MAP7: variants seen among roughly 807,000 people sequenced by gnomAD.
MAP7 encodes ensconsin.
Under a neutral mutation model 94.8 loss-of-function variants are expected in MAP7, and 52 were observed. The observed-to-expected ratio is 0.55, with a 90% confidence interval of 0.44 to 0.69. MAP7 has a LOEUF of 0.69. Ranked by LOEUF, MAP7 falls within the 30% of genes least tolerant of loss-of-function variation. MAP7 has a pLI of 0.00. For missense variants in MAP7, 940 were observed against 964.6 expected, an observed-to-expected ratio of 0.97 and a Z score of 0.34; for synonymous variants, 350 against 357.0, an observed-to-expected ratio of 0.98 and a Z score of 0.22.
At chr6:136,467,011 A>G (rs1807351421) in intron 1 of MAP7, 2 of 852,222 alleles carry the variant, frequency 2.3e-6, no homozygotes, top group Non-Finnish European at 3.2e-6. Context: ...CACTGAACCA[A>G]GCAAAAACTG....
Position 136,400,085 on chromosome 6 carries a change from C to T in MAP7, c.245-10568G>A, listed in dbSNP as rs373717235. On this transcript the variant is annotated intron_variant, in intron 3 of 17. Transcript: ENST00000354570. ...CCCTACCTCTACACCACCAGCCCTG[C>T]CCCTCCTACAAAAAAGTTTTTTTTT... Among the ~76,000 whole-genome samples, 47 of 152,196 alleles carry T rather than the reference C, an allele frequency of 3.1e-4. 1 individual carries two copies. Among genetic ancestry groups the T allele is most frequent in the African/African-American group, 1.1e-3 (45 of 41,474 alleles).
At chr6:136,466,983 T>A in intron 1 of MAP7, 4 of 1,159,276 alleles carry the variant, frequency 3.5e-6, no homozygotes, top group Non-Finnish European at 4.5e-6. Flanking sequence ...GCCACTGTTT[T>A]TAAACAGTAA....
At chr6:136,412,454 A>G (rs1787798562) in intron 2 of MAP7, among the ~76,000 whole-genome samples, 1 of 152,242 alleles carries the variant, frequency 6.6e-6, no homozygotes, top group Non-Finnish European at 1.5e-5. Context: ...AGAAGGAGAA[A>G]AATACAGAGA....
intron 1 of MAP7, among the ~76,000 whole-genome samples, chr6:136,480,563 A>G (rs1037751917): frequency 2.1e-5 from 3 of 145,780 alleles, no homozygotes; most frequent in Non-Finnish European, 3.0e-5. Flanking sequence ...AAAGGTGTGA[A>G]CCTGGGAGGC....
intron 2 of MAP7, among the ~76,000 whole-genome samples, chr6:136,421,050 G>A (rs564803760): frequency 1.6e-4 from 25 of 152,216 alleles, no homozygotes; most frequent in Non-Finnish European, 3.4e-4. Context: ...CACAGGCCAC[G>A]CAATGGTTAT....
chr6:136,445,757 G>A (rs1799139474), intron 1 of MAP7, among the ~76,000 whole-genome samples: 2 of 152,280 alleles, frequency 1.3e-5, no homozygotes, highest in South Asian at 4.1e-4. Context: ...AGACATACAG[G>A]AGGCACACTC....
At chr6:136,454,142 T>C (rs1802016808) in intron 1 of MAP7, among the ~76,000 whole-genome samples, 1 of 152,148 alleles carries the variant, frequency 6.6e-6, no homozygotes, top group African/African-American at 2.4e-5. Context: ...TAATAGGGTT[T>C]ACTCAGTTCC....
intron 2 of MAP7, among the ~76,000 whole-genome samples, chr6:136,415,190 C>G (rs1306076858): frequency 2.0e-5 from 3 of 151,898 alleles, no homozygotes; most frequent in Non-Finnish European, 4.4e-5. Flanking sequence ...TTCAAGCAAT[C>G]CTCCTGCCTC....
chr6:136,501,522 TCTTA>T (rs1819817497), intron 1 of MAP7, among the ~76,000 whole-genome samples: 1 of 152,216 alleles, frequency 6.6e-6, no homozygotes. Context: ...TTGTCATTTC[TCTTA>T]CTAACTAAAT....
At position 136,499,931 on chromosome 6, in the gene MAP7, G is replaced by A. The variant is rs137865879; in HGVS notation, c.67+50411C>T. 1.0e-3 allele frequency among the ~76,000 whole-genome samples: 152 copies of A among 152,244 alleles called. 3 individuals are homozygous for A. The highest frequency in any genetic ancestry group is 3.4e-3 in the African/African-American group (139 of 41,492). On this transcript the variant is annotated intron_variant, in intron 1 of 17. Transcript: ENST00000354570. ...GAACTGCTTGAGCCTGGGAGGTCAA[G>A]CTGGCAGTGAGCCATGATCACACTA...
At chr6:136,488,303 A>G (rs945336103) in intron 1 of MAP7, among the ~76,000 whole-genome samples, 4 of 152,210 alleles carry the variant, frequency 2.6e-5, no homozygotes, top group Non-Finnish European at 2.9e-5. Flanking sequence ...TATGTTTTCC[A>G]TGTTTATTTT....
chr6:136,540,681 A>G (rs1829236811), intron 1 of MAP7, among the ~76,000 whole-genome samples: 1 of 152,210 alleles, frequency 6.6e-6, no homozygotes, highest in Admixed American at 6.5e-5. Context: ...CACACACTTG[A>G]CACCACACAC....
intron 3 of MAP7, among the ~76,000 whole-genome samples, chr6:136,408,990 T>A (rs1786499364): frequency 6.6e-6 from 1 of 151,992 alleles, no homozygotes; most frequent in African/African-American, 2.4e-5. Context: ...TGCTCACTCC[T>A]GTATTTATGA....
intron 1 of MAP7, among the ~76,000 whole-genome samples, chr6:136,479,277 A>G (rs1470323732): frequency 6.6e-6 from 1 of 152,222 alleles, no homozygotes; most frequent in African/African-American, 2.4e-5. Context: ...ATTTCAAGTG[A>G]TGCTGAAAAA....
intron 3 of MAP7, among the ~76,000 whole-genome samples, chr6:136,394,426 AT>A (rs71685519): frequency 0.057 from 8,566 of 151,300 alleles, 457 homozygotes; most frequent in East Asian, 0.13. Flanking sequence ...GATAGGTTTA[AT>A]TTTTTTTTAT....
intron 1 of MAP7, among the ~76,000 whole-genome samples, chr6:136,539,473 CAA>C (rs1007445907): frequency 2.6e-5 from 4 of 152,210 alleles, no homozygotes; most frequent in African/African-American, 9.6e-5. Context: ...AAAGAGAAAT[CAA>C]AGATACTCTT....
intron 10 of MAP7, chr6:136,364,256 A>G (rs1793657841): frequency 3.7e-6 from 2 of 541,714 alleles, no homozygotes; most frequent in South Asian, 2.8e-5. Context: ...TAAATGTTGA[A>G]CCTTTTTGGA....
intron 7 of MAP7, among the ~76,000 whole-genome samples, chr6:136,377,137 T>C (rs890966580): frequency 1.3e-5 from 2 of 152,212 alleles, no homozygotes; most frequent in African/African-American, 2.4e-5. Flanking sequence ...CAGGTATGTT[T>C]TGCATTTCAA....
intron 16 of MAP7, 64 bp from the exon 17 acceptor site, chr6:136,346,143 G>A: frequency 1.1e-6 from 1 of 943,350 alleles, no homozygotes; most frequent in Non-Finnish European, 1.6e-6. Flanking sequence ...CACATTATTA[G>A]GAAAACCAAA....
Sources: gnomAD v4.1 joint callset for allele counts (sites outside exome capture counted in the v4.1 genomes callset) on GRCh38, gnomAD v4.1.1 for gene constraint, MANE v1.5 for transcripts, NCBI Gene and HGNC (gene_info 2026-07-23, HGNC 2026-07-21) for gene names.